HCN1: variants seen among roughly 807,000 people sequenced by gnomAD.
The protein encoded by HCN1 is hyperpolarization activated cyclic nucleotide gated potassium channel 1.
Under a neutral mutation model 78.9 loss-of-function variants are expected in HCN1, and 13 were observed. The observed-to-expected ratio is 0.16, with a 90% CI of 0.11 to 0.26. The LOEUF (loss-of-function observed/expected upper bound fraction) is 0.26, where lower values mean the gene tolerates loss of function less well. Ranked by LOEUF, HCN1 falls within the 10% of genes least tolerant of loss-of-function variation. The pLI, the probability that HCN1 is intolerant of heterozygous loss-of-function variation, is 1.00. For synonymous variants in HCN1, 552 were observed against 455.5 expected (o/e 1.21, Z -2.70); for missense variants, 810 against 1,154.3 (o/e 0.70, Z 4.32).
chr5:45,303,521 G>A (rs1745669744), intron 6 of HCN1, 78 bp downstream of exon 6: 9 of 1,477,040 alleles, frequency 6.1e-6, no homozygotes, highest in Non-Finnish European at 8.5e-6. Context: ...AAACTGACAT[G>A]CTGACATCTC....
At chr5:45,608,059 C>A (rs1744758219) in intron 2 of HCN1, among the ~76,000 whole-genome samples, 1 of 151,810 alleles carries the variant, frequency 6.6e-6, no homozygotes, top group South Asian at 2.1e-4. Context: ...CAAAAATCAA[C>A]TGCATTTCTA....
At chr5:45,445,139 AGG>A (rs1178067591) in intron 3 of HCN1, among the ~76,000 whole-genome samples, 4 of 152,346 alleles carry the variant, frequency 2.6e-5, no homozygotes, top group Non-Finnish European at 5.9e-5. Context: ...AGTCAAAGAA[AGG>A]GGTGACAGAT....
intron 6 of HCN1, among the ~76,000 whole-genome samples, chr5:45,272,271 T>TG (rs1744974638): frequency 6.6e-6 from 1 of 152,004 alleles, no homozygotes; most frequent in African/African-American, 2.4e-5. Flanking sequence ...TTGGCGGGGA[T>TG]GGGGGGTGTT....
chr5:45,614,691 C>T (rs926581672), intron 2 of HCN1, among the ~76,000 whole-genome samples: 39 of 152,126 alleles, frequency 2.6e-4, no homozygotes, highest in Admixed American at 1.4e-3. Context: ...TTCCTTAAAT[C>T]GTTTTAATAC....
intron 5 of HCN1, among the ~76,000 whole-genome samples, chr5:45,320,919 A>G (rs1224119912): frequency 6.6e-6 from 1 of 151,806 alleles, no homozygotes; most frequent in African/African-American, 2.4e-5. Context: ...ACTTTCTACA[A>G]TTAGGCTGAC....
Position 45,695,970 on chromosome 5 carries a change from G to A in HCN1, c.124C>T (p.Pro42Ser), listed in dbSNP as rs56164833. Residue 42 changes from proline (P) to serine (S), a missense_variant, in exon 1 of 8, where the codon CCG (proline) becomes TCG (serine). Pro to Ser is a moderately conservative substitution (Grantham distance 74, BLOSUM62 -1). Around this residue, in one of 6 missense-constraint regions of HCN1, gnomAD observed 170 missense variants for 166.8 expected, o/e 1.02. Coordinates refer to ENST00000303230, the MANE Select transcript of HCN1 (RefSeq NM_021072.4). ...PAAAEKRLGT[P>S]PGGGGAGAKE... Reference sequence around the variant, plus strand: ...GCGCCGGCCCCGCCGCCCCCCGGCGGGGTGCCCAGGCGCTTCTCGGCCGCG... The same window carrying A: ...GCGCCGGCCCCGCCGCCCCCCGGCGAGGTGCCCAGGCGCTTCTCGGCCGCG... The A allele has an allele frequency of 6.2e-4, 822 of 1,321,252 alleles. No individual in the cohort carries two copies. The highest frequency in any genetic ancestry group is 7.7e-4 in the Non-Finnish European group (799 of 1,042,880). 81.8% of individuals were successfully genotyped at this position (1,321,252 alleles called of 1,614,324 possible). A position where few individuals can be genotyped will look rare whatever the true frequency, so the allele number is the denominator to read the frequency against.
At chr5:45,322,407 T>C (rs900110487) in intron 5 of HCN1, among the ~76,000 whole-genome samples, 1 of 151,824 alleles carries the variant, frequency 6.6e-6, no homozygotes, top group Non-Finnish European at 1.5e-5. Context: ...GCTTTGTGCT[T>C]TCTCATGTAA....
chr5:45,418,995 T>TTG (rs1246599973), intron 3 of HCN1, among the ~76,000 whole-genome samples: 1 of 152,148 alleles, frequency 6.6e-6, no homozygotes, highest in Non-Finnish European at 1.5e-5. Context: ...TCAATTCCAC[T>TTG]TGCATTTGTG....
At chr5:45,523,841 C>T (rs1404977097) in intron 2 of HCN1, among the ~76,000 whole-genome samples, 2 of 152,088 alleles carry the variant, frequency 1.3e-5, no homozygotes, top group East Asian at 1.9e-4. Context: ...GTTTCTTTTG[C>T]TGTGCAGAAG....
chr5:45,366,173 TG>T lies in HCN1; in HGVS notation c.1231-12928del, dbSNP rs1356006276. Among the ~76,000 whole-genome samples, 6 of 151,590 alleles carry T rather than the reference TG, an allele frequency of 4.0e-5. No homozygotes were observed. The South Asian group carries it at 1.2e-3, about 32-fold the overall frequency. The stretch of plus-strand genomic sequence containing the variant: ...TGTTACATTATAGCATTTGTGTGTG[TG>T]TGTGTGTGTGTGTGTGTATGTGTGT... On this transcript the variant is annotated intron_variant, in intron 4 of 7. Transcript: ENST00000303230.
intron 6 of HCN1, among the ~76,000 whole-genome samples, chr5:45,293,408 C>T (rs565849297): frequency 8.5e-4 from 129 of 151,902 alleles, no homozygotes; most frequent in Middle Eastern, 6.8e-3. Context: ...GAGGCTTAGG[C>T]GGGAAGATCA....
Position 45,256,355 on chromosome 5 carries a change from A to G in HCN1, c.*5566T>C, listed in dbSNP as rs1744613981. Reference sequence around the variant, plus strand: ...GCCATTGCACTCCCACCTGGGTGACAGAGCCAGACTCCATCTTAAAAAAAA... The same window carrying G: ...GCCATTGCACTCCCACCTGGGTGACGGAGCCAGACTCCATCTTAAAAAAAA... On this transcript the variant is annotated 3_prime_UTR_variant, in exon 8 of 8. Transcript: ENST00000303230. 1 of 148,240 alleles carries G rather than the reference A, an allele frequency of 6.7e-6. No homozygotes were observed. The highest frequency in any genetic ancestry group is 1.5e-5 in the Non-Finnish European group (1 of 67,816). 9.2% of individuals were successfully genotyped at this position (148,240 alleles called of 1,614,324 possible).
chr5:45,556,140 T>C (rs114295136), intron 2 of HCN1, among the ~76,000 whole-genome samples: 10,906 of 151,944 alleles, frequency 0.072, 573 homozygotes, highest in Middle Eastern at 0.15. Context: ...CCCAGGACAT[T>C]GGACTGGGAA....
chr5:45,437,282 A>G (rs553368604), intron 3 of HCN1, among the ~76,000 whole-genome samples: 1 of 152,306 alleles, frequency 6.6e-6, no homozygotes, highest in South Asian at 2.1e-4. Context: ...ACATAAATAA[A>G]TGTAAATTTC....
chr5:45,642,465 AT>A (rs1432545539), intron 2 of HCN1: 5 of 151,986 alleles, frequency 3.3e-5, no homozygotes, highest in Non-Finnish European at 7.4e-5. Context: ...AAAAAAAAAA[AT>A]GTATTGTTGA....
intron 1 of HCN1, among the ~76,000 whole-genome samples, chr5:45,654,423 T>A (rs1745730471): frequency 6.6e-6 from 1 of 152,284 alleles, no homozygotes; most frequent in Admixed American, 6.5e-5. Flanking sequence ...CTTCTAAGTA[T>A]TTTCATTTGA....
chr5:45,556,395 C>T (rs1743470321), intron 2 of HCN1, among the ~76,000 whole-genome samples: 1 of 151,972 alleles, frequency 6.6e-6, no homozygotes, highest in African/African-American at 2.4e-5. Context: ...ACTAAAATTA[C>T]CTTGATAAGG....
chr5:45,515,004 TTTC>T (rs1266527550), intron 2 of HCN1, among the ~76,000 whole-genome samples: 2 of 151,972 alleles, frequency 1.3e-5, no homozygotes, highest in Non-Finnish European at 2.9e-5. Flanking sequence ...GGTAATATGC[TTTC>T]TTATTTATTT....
intron 5 of HCN1, among the ~76,000 whole-genome samples, chr5:45,322,488 C>T (rs531090586): frequency 8.2e-4 from 125 of 151,946 alleles, no homozygotes; most frequent in African/African-American, 1.4e-3. Flanking sequence ...AGAAATGTGG[C>T]AGATTCTTGA....
Sources: gnomAD v4.1 joint callset for allele counts (sites outside exome capture counted in the v4.1 genomes callset) on GRCh38, gnomAD v4.1.1 for gene constraint, gnomAD v4.1.1 regional missense constraint, MANE v1.5 for transcripts, NCBI Gene and HGNC (gene_info 2026-07-23, HGNC 2026-07-21) for gene names.